Variants in DNAAF9 observed in about 807,000 individuals in gnomAD.
The protein encoded by DNAAF9 is dynein axonemal assembly factor 9, also known as shulin.
DNAAF9 carries 90 observed loss-of-function variants against 167.0 expected under a neutral mutation model. The ratio of observed to expected loss-of-function variants is 0.54; its 90% CI spans 0.45 to 0.64. The LOEUF (loss-of-function observed/expected upper bound fraction) is 0.64. Among genes scored for constraint, DNAAF9 ranks in the 30% least tolerant of loss-of-function variants. The pLI is 0.00. For synonymous variants in DNAAF9, 491 were observed against 508.8 expected (o/e 0.96, Z 0.47); for missense variants, 1,315 against 1,442.2 (o/e 0.91, Z 1.43).
intron 23 of DNAAF9, 44 bp from the exon 24 acceptor site, chr20:3,294,673 A>G: frequency 7.8e-7 from 1 of 1,275,786 alleles, no homozygotes; most frequent in South Asian, 1.2e-5. Flanking sequence ...ATCTTCCTTC[A>G]GCATATACAC....
Position 3,407,485 on chromosome 20 carries a change from G to A in DNAAF9, c.73C>T (p.Pro25Ser). ...RSPGGSSRGS[P>S]SVSCSRLRQV... is the part of the protein sequence containing the mutation. The stretch of plus-strand genomic sequence containing the variant: ...CTCTGCCCCGCGTACCTGACGGAGG[G>A]TGACCCGCGGCTGGAGCCGCCAGGG... Residue 25 changes from proline (P) to serine (S), a missense_variant, in exon 1 of 37, where the codon CCC becomes TCC. Coordinates refer to ENST00000252032, the MANE Select transcript of DNAAF9 (RefSeq NM_001009984.3). 1 of 1,304,082 alleles carries A rather than the reference G, an allele frequency of 7.7e-7. No individual in the cohort carries two copies. The highest frequency in any genetic ancestry group is 9.7e-7 in the Non-Finnish European group (1 of 1,028,760). 80.8% of individuals were successfully genotyped at this position (1,304,082 alleles called of 1,614,324 possible).
chr20:3,385,037 A>C (rs1422579235), intron 1 of DNAAF9, among the ~76,000 whole-genome samples: 1 of 152,090 alleles, frequency 6.6e-6, no homozygotes, highest in Non-Finnish European at 1.5e-5. Flanking sequence ...AAAAAAAGCC[A>C]CTCAGAAAAC....
At position 3,255,988 on chromosome 20, in the gene DNAAF9, C is replaced by G. The variant is rs1479141348; in HGVS notation, c.3261+18G>C. On this transcript the variant is annotated intron_variant, in intron 34 of 36. Coordinates refer to ENST00000252032, the MANE Select transcript of DNAAF9 (RefSeq NM_001009984.3). ...CTGGTCACATCTGTGTCAGGTCTGT[C>G]TGGGCTCTGGAAACCACCTGCTTAG... 1.2e-6 allele frequency: 2 copies of G among 1,601,946 alleles called. No individual in the cohort carries two copies. Among genetic ancestry groups the G allele is most frequent in the Admixed American group, 3.3e-5 (2 of 59,966 alleles).
chr20:3,402,088 A>G (rs1004111827), intron 1 of DNAAF9, among the ~76,000 whole-genome samples: 2 of 152,144 alleles, frequency 1.3e-5, no homozygotes, highest in African/African-American at 4.8e-5. Context: ...GGCTGGGTGC[A>G]GAATTCTGGG....
chr20:3,378,412 T>C (rs1004282843), intron 3 of DNAAF9, among the ~76,000 whole-genome samples: 1 of 152,162 alleles, frequency 6.6e-6, no homozygotes, highest in South Asian at 2.1e-4. Context: ...CTTCTATAAA[T>C]AGATCAGCAG....
At chr20:3,282,210 A>G (rs2068775430) in intron 27 of DNAAF9, among the ~76,000 whole-genome samples, 1 of 152,170 alleles carries the variant, frequency 6.6e-6, no homozygotes, top group Non-Finnish European at 1.5e-5. Context: ...AGACTCATCC[A>G]TGTCAAATAC....
chr20:3,374,292 G>A, intron 5 of DNAAF9, 138 bp from the exon 6 acceptor site: 7 of 483,246 alleles, frequency 1.4e-5, no homozygotes, highest in Non-Finnish European at 2.6e-5. Context: ...AATACAAACA[G>A]ATAAAATGGT....
At chr20:3,359,481 T>C (rs371026517) in intron 7 of DNAAF9, 35 bp downstream of exon 7, 45 of 1,341,030 alleles carry the variant, frequency 3.4e-5, no homozygotes, top group Non-Finnish European at 4.5e-5. Context: ...CTGGACGTAA[T>C]ACTAATATTT....
At chr20:3,380,067 A>C (rs1048869444) in intron 3 of DNAAF9, among the ~76,000 whole-genome samples, 4 of 152,226 alleles carry the variant, frequency 2.6e-5, no homozygotes, top group African/African-American at 9.6e-5. Context: ...AAAAGAAAAG[A>C]TGAAAACAAA....
chr20:3,284,178 T>TC (rs1338012935), intron 27 of DNAAF9, among the ~76,000 whole-genome samples: 5 of 68,648 alleles, frequency 7.3e-5, no homozygotes, highest in Non-Finnish European at 2.8e-5. Context: ...AGAGTCTTTT[T>TC]TTTTTTTTTT....
intron 6 of DNAAF9, among the ~76,000 whole-genome samples, chr20:3,373,401 C>T (rs145895998): frequency 9.7e-4 from 147 of 152,324 alleles, no homozygotes; most frequent in Non-Finnish European, 1.9e-3. Context: ...ATGCTGCTAA[C>T]CTATCAAGCC....
chr20:3,257,738 C>T (rs1202451041), intron 33 of DNAAF9, among the ~76,000 whole-genome samples: 2 of 151,142 alleles, frequency 1.3e-5, no homozygotes, highest in African/African-American at 2.4e-5. Context: ...GAGTTTTGCT[C>T]TTGTTGCCCA....
intron 18 of DNAAF9, 63 bp downstream of exon 18, chr20:3,316,660 C>T: frequency 8.3e-7 from 1 of 1,204,570 alleles, no homozygotes; most frequent in Non-Finnish European, 1.2e-6. Context: ...GAGGCTCTTC[C>T]TCAAGTGTTC....
At chr20:3,367,766 A>G (rs1227733129) in intron 6 of DNAAF9, among the ~76,000 whole-genome samples, 2 of 152,190 alleles carry the variant, frequency 1.3e-5, no homozygotes, top group Admixed American at 6.5e-5. Context: ...ATGGATTATC[A>G]TAACAGATAT....
At chr20:3,273,002 A>G (rs1392317277) in intron 29 of DNAAF9, among the ~76,000 whole-genome samples, 1 of 151,734 alleles carries the variant, frequency 6.6e-6, no homozygotes, top group Admixed American at 6.6e-5. Context: ...GGCTAATTTT[A>G]TATTTTTTAG....
chr20:3,318,291 T>G lies in DNAAF9; in HGVS notation c.1466A>C (p.Lys489Thr). The G allele has an allele frequency of 6.9e-7, 1 of 1,447,212 alleles. No homozygotes were observed. The highest frequency in any genetic ancestry group is 9.7e-7 in the Non-Finnish European group (1 of 1,030,250). The allele number at this position is 1,447,212 out of a possible 1,614,324, so 89.6% of individuals were successfully genotyped here. A position where few individuals can be genotyped will look rare whatever the true frequency, so the allele number is the denominator to read the frequency against. The part of the protein sequence containing the change: ...FLTSQILVKE[K>T]DGTVTTETSS... ...TTCTAAAGATCACATATACTTACCC[T>G]TTTCTTTAACTAAGATCTGAGAAGT... Residue 489 changes from lysine to threonine, a missense_variant and splice_region_variant, in exon 17 of 37, where the codon AAG becomes ACG. Physicochemically the swap from Lys to Thr is moderately conservative, Grantham distance 78. This residue lies in a region of DNAAF9 where 981 missense variants were observed against 1,012.5 expected (regional missense o/e 0.97). Transcript: ENST00000252032.
chr20:3,328,592 G>A (rs77225737), intron 12 of DNAAF9, among the ~76,000 whole-genome samples: 201 of 152,274 alleles, frequency 1.3e-3, no homozygotes, highest in African/African-American at 4.4e-3. Flanking sequence ...CTGACATGGG[G>A]CATCAATGGA....
Position 3,293,047 on chromosome 20 carries a change from T to C in DNAAF9, c.2238+1092A>G, listed in dbSNP as rs143210622. Among the ~76,000 whole-genome samples, 1,369 of 150,882 alleles carry C rather than the reference T, an allele frequency of 9.1e-3. 20 individuals carry two copies. Among genetic ancestry groups the C allele is most frequent in the African/African-American group, 0.032 (1,313 of 41,102 alleles). On this transcript the variant is annotated intron_variant, in intron 25 of 36. Transcript: ENST00000252032. Reference sequence around the variant, plus strand: ...GTTGCAGTGAGCCAAGATTGTGCCATTGCACTTCAGCCTAGGCGACAGAGC... The same window carrying C: ...GTTGCAGTGAGCCAAGATTGTGCCACTGCACTTCAGCCTAGGCGACAGAGC...
At chr20:3,329,217 CGTGT>C (rs1387456388) in intron 12 of DNAAF9, among the ~76,000 whole-genome samples, 3 of 151,864 alleles carry the variant, frequency 2.0e-5, no homozygotes, top group African/African-American at 7.3e-5. Context: ...ACCCAGGCTG[CGTGT>C]AGTGGTGTGA....
Sources: allele counts gnomAD v4.1 joint callset (sites outside exome capture counted in the v4.1 genomes callset), GRCh38; gene constraint gnomAD v4.1.1; regional missense constraint gnomAD v4.1.1; transcripts MANE v1.5; gene names NCBI Gene and HGNC (gene_info 2026-07-23, HGNC 2026-07-21).